The following PABPN1L variants were observed in gnomAD, a reference collection of about 807,000 sequenced individuals.
PABPN1L encodes the protein embryonic polyadenylate-binding protein 2.
In PABPN1L, 45 loss-of-function variants were observed where a neutral mutation model predicts 34.0. That is an observed-to-expected ratio of 1.32 (90% CI 1.04 to 1.70). PABPN1L has a LOEUF of 1.70. Ranked by LOEUF, PABPN1L falls within the 40% of genes most tolerant of loss-of-function variation. The pLI is 0.00. For synonymous variants in PABPN1L, 182 were observed against 152.1 expected (o/e 1.20, Z -1.45); for missense variants, 459 against 367.8 (o/e 1.25, Z -2.03).
chr16:88,865,317 C>T (rs1968564575), intron 3 of PABPN1L, among the ~76,000 whole-genome samples, 189 bp from the exon 4 acceptor site: 1 of 151,002 alleles, frequency 6.6e-6, no homozygotes, highest in African/African-American at 2.4e-5. Flanking sequence ...GCGCTTCCTT[C>T]TGGAGAGCTG....
chr16:88,869,366 T>C (rs1330734927), upstream of PABPN1L, among the ~76,000 whole-genome samples: 1 of 152,248 alleles, frequency 6.6e-6, no homozygotes, highest in Non-Finnish European at 1.5e-5. Context: ...GCGTGGTCCC[T>C]GGACGCTGTT....
chr16:88,866,766 T>C (rs1179857685), upstream of PABPN1L: 6 of 1,055,254 alleles, frequency 5.7e-6, no homozygotes, highest in East Asian at 2.7e-5. Context: ...GCTTCCAGCC[T>C]TGGCTCCCGG....
chr16:88,866,835 G>A (rs1346998093), upstream of PABPN1L, among the ~76,000 whole-genome samples: 3 of 152,244 alleles, frequency 2.0e-5, no homozygotes, highest in African/African-American at 7.2e-5. Flanking sequence ...CTGGAGGAAG[G>A]AGAGGCTGAG....
In PABPN1L at chr16:88,864,571, G is replaced by C. The variant is rs969037233; in HGVS notation, c.655-192C>G. ...CCGTCACGGCCAGCACCCCTGCAGA[G>C]GGGGGGGTCACGGCCAGCACCCCTG... On this transcript the variant is annotated intron_variant, in intron 5 of 6. Transcript: ENST00000419291. 2.3e-5 allele frequency among the ~76,000 whole-genome samples: 3 copies of C among 131,356 alleles called. No individual in the cohort carries two copies. In the East Asian group the frequency reaches 7.4e-4, roughly 32 times the overall value. 86.2% of individuals were successfully genotyped at this position (131,356 alleles called of 152,430 possible).
chr16:88,863,648 C>T (rs745586354), exon 7 of PABPN1L: 110 of 1,379,078 alleles, frequency 8.0e-5, no homozygotes, highest in Non-Finnish European at 1.1e-4. Flanking sequence ...ACACCCCTCT[C>T]CTCTGGCCTC....
upstream of PABPN1L, chr16:88,866,675 C>T: frequency 6.9e-7 from 1 of 1,456,404 alleles, no homozygotes; most frequent in East Asian, 2.5e-5. Context: ...CCGCACCTGC[C>T]CAGGCTCTCC....
At chr16:88,863,556 G>C (rs1968497740) in exon 7 of PABPN1L, 1 of 703,952 alleles carries the variant, frequency 1.4e-6, no homozygotes, top group Non-Finnish European at 2.5e-6. Flanking sequence ...TGTGACTCGT[G>C]GCTGTGGCCT....
At position 88,863,909 on chromosome 16, in the gene PABPN1L, C is replaced by G. The variant is rs911122738; in HGVS notation, c.798-114G>C. 2.7e-6 allele frequency: 3 copies of G among 1,131,516 alleles called. No individual in the cohort carries two copies. The African/African-American group carries it at 4.6e-5, about 18-fold the overall frequency. The allele number at this position is 1,131,516 out of a possible 1,614,324, so 70.1% of individuals were successfully genotyped here. A position where few individuals can be genotyped will look rare whatever the true frequency, so the allele number is the denominator to read the frequency against. ...CAGGGAGGTCACCTGGCTGCTCAGG[C>G]AATGCCCCAGGGGCCTTTCTGGTGA... is the stretch of plus-strand genomic sequence containing the variant. On this transcript the variant is annotated intron_variant, in intron 6 of 6. Coordinates refer to ENST00000419291, the Ensembl canonical transcript of PABPN1L.
chr16:88,863,699 C>G (rs1968503260), exon 7 of PABPN1L: 1 of 1,524,116 alleles, frequency 6.6e-7, no homozygotes, highest in African/African-American at 1.4e-5. Context: ...GGATGGAGCA[C>G]AAGTGGTTTA....
intron 3 of PABPN1L, 71 bp from the exon 4 acceptor site, chr16:88,865,199 G>T: frequency 6.8e-7 from 1 of 1,480,184 alleles, no homozygotes; most frequent in Non-Finnish European, 9.2e-7. Context: ...TGTTAGAGGT[G>T]AGGAAAGAAA....
upstream of PABPN1L, among the ~76,000 whole-genome samples, chr16:88,867,220 C>CTTTTTTTTTTTTTTTTTTT: frequency 7.0e-6 from 1 of 142,188 alleles, no homozygotes; most frequent in Non-Finnish European, 1.5e-5. Context: ...TATTCTGGGC[C>CTTTTTTTTTTTTTTTTTTT]TTTTTTTTTT....
At position 88,865,019 on chromosome 16, in the gene PABPN1L, G is replaced by A. The variant is rs751907289; in HGVS notation, c.566+3C>T. 7.5e-6 allele frequency: 12 copies of A among 1,599,162 alleles called. No homozygotes were observed. Reference sequence around the variant, plus strand: ...CAGTGCCCCCACCAGGCCCCACACTGACCCCTTGGGGTGTCCAGAGAACTT... The same window carrying A: ...CAGTGCCCCCACCAGGCCCCACACTAACCCCTTGGGGTGTCCAGAGAACTT... On this transcript the variant is annotated splice_donor_region_variant and intron_variant, in intron 4 of 6. Transcript: ENST00000419291.
At chr16:88,867,474 G>A (rs1175465272), upstream of PABPN1L, among the ~76,000 whole-genome samples, 6 of 152,070 alleles carry the variant, frequency 3.9e-5, no homozygotes, top group Admixed American at 2.6e-4. Flanking sequence ...CAGGTGATCC[G>A]CCCGACTCGG....
chr16:88,866,439 A>C, exon 1 of PABPN1L: 1 of 1,551,588 alleles, frequency 6.4e-7, no homozygotes, highest in Non-Finnish European at 8.7e-7. Flanking sequence ...CTTCCTCTGC[A>C]TCCTCTTCCT....
exon 7 of PABPN1L, chr16:88,863,734 C>G: frequency 2.0e-6 from 3 of 1,535,708 alleles, no homozygotes; most frequent in South Asian, 1.2e-5. Flanking sequence ...CCCAGCCCCT[C>G]TCTCAAAATC....
At chr16:88,870,064 C>T (rs909941045), upstream of PABPN1L, among the ~76,000 whole-genome samples, 2 of 152,178 alleles carry the variant, frequency 1.3e-5, no homozygotes, top group African/African-American at 4.8e-5. Flanking sequence ...GCTGTCCACC[C>T]TCAGGTCCCC....
At position 88,865,523 on chromosome 16, in the gene PABPN1L, C is replaced by T. The variant is rs531895740; in HGVS notation, c.459+40G>A. The T allele has an allele frequency of 3.1e-6, 5 of 1,591,196 alleles. No individual in the cohort carries two copies. The African/African-American group carries it at 5.4e-5, about 17-fold the overall frequency. Reference sequence around the variant, plus strand: ...CCAGACCCTCTGGTAGAGATGGGGCCCCATTCGCTGCCTGCCCCTTCACCC... The same window carrying T: ...CCAGACCCTCTGGTAGAGATGGGGCTCCATTCGCTGCCTGCCCCTTCACCC... On this transcript the variant is annotated intron_variant, in intron 3 of 6. Transcript: ENST00000419291.
intron 6 of PABPN1L, 53 bp from the exon 7 acceptor site, chr16:88,863,848 T>C: frequency 1.3e-6 from 2 of 1,504,170 alleles, no homozygotes; most frequent in Non-Finnish European, 1.8e-6. Flanking sequence ...GAAGGGGTGG[T>C]GGCCCAGGGC....
At chr16:88,869,430 C>T (rs887441590), upstream of PABPN1L, among the ~76,000 whole-genome samples, 3 of 152,268 alleles carry the variant, frequency 2.0e-5, no homozygotes, top group Non-Finnish European at 4.4e-5. Flanking sequence ...GCTGCTCCTC[C>T]TCCCTCGAGA....
Sources: allele counts gnomAD v4.1 joint callset (sites outside exome capture counted in the v4.1 genomes callset), GRCh38; gene constraint gnomAD v4.1.1; transcripts MANE v1.5; gene names NCBI Gene and HGNC (gene_info 2026-07-23, HGNC 2026-07-21).